The following ASIC2 variants were observed in gnomAD, a reference collection of about 807,000 sequenced individuals.
The protein encoded by ASIC2 is acid-sensing ion channel 2.
ASIC2 carries 25 observed loss-of-function variants against 57.3 expected under a neutral mutation model. The observed-to-expected ratio is 0.44, with a 90% confidence interval of 0.32 to 0.61. The LOEUF is 0.61. Ranked by LOEUF, ASIC2 falls within the 20% of genes least tolerant of loss-of-function variation. The pLI, the probability that ASIC2 is intolerant of heterozygous loss-of-function variation, is 0.06. For synonymous variants in ASIC2, 319 were observed against 307.5 expected (o/e 1.04, Z -0.39); for missense variants, 641 against 738.1 (o/e 0.87, Z 1.52).
chr17:33,962,123 C>G (rs1414844), intron 1 of ASIC2, among the ~76,000 whole-genome samples: 1 of 152,190 alleles, frequency 6.6e-6, no homozygotes, highest in Non-Finnish European at 1.5e-5. Context: ...AAGTCCAGTT[C>G]TGTGGGCCTG....
intron 1 of ASIC2, among the ~76,000 whole-genome samples, chr17:34,090,767 T>C (rs185501579): frequency 1.5e-4 from 23 of 152,274 alleles, no homozygotes; most frequent in African/African-American, 4.8e-4. Context: ...ACCCCAAAAG[T>C]ACTCAGCCAG....
At chr17:33,348,413 C>T (rs183896265) in intron 1 of ASIC2, among the ~76,000 whole-genome samples, 2 of 152,200 alleles carry the variant, frequency 1.3e-5, no homozygotes, top group East Asian at 3.9e-4. Flanking sequence ...CCCTCTTTAA[C>T]CCTAGATTAC....
chr17:33,772,272 GA>G (rs35724127), intron 1 of ASIC2, among the ~76,000 whole-genome samples: 12,374 of 152,310 alleles, frequency 0.081, 577 homozygotes, highest in East Asian at 0.22. Flanking sequence ...AATGCTCAGA[GA>G]AGGCTGGAAG....
chr17:33,541,937 C>T (rs1230230610), intron 1 of ASIC2, among the ~76,000 whole-genome samples: 1 of 152,180 alleles, frequency 6.6e-6, no homozygotes, highest in Non-Finnish European at 1.5e-5. Context: ...CTTAGGCAAG[C>T]TTCTTTATCT....
chr17:33,646,462 G>A (rs574245058), intron 1 of ASIC2, among the ~76,000 whole-genome samples: 1 of 152,252 alleles, frequency 6.6e-6, no homozygotes, highest in East Asian at 1.9e-4. Flanking sequence ...TTCTGCCCTG[G>A]GTGGTATAAG....
intron 1 of ASIC2, among the ~76,000 whole-genome samples, chr17:34,148,663 C>G (rs962071625): frequency 2.6e-5 from 4 of 152,142 alleles, no homozygotes; most frequent in Non-Finnish European, 4.4e-5. Flanking sequence ...TGGGCCTCAT[C>G]ATGGAGCAGG....
In ASIC2 at chr17:33,597,046, G is replaced by A. The variant is rs529489048; in HGVS notation, c.556-484979C>T. 3.4e-4 allele frequency among the ~76,000 whole-genome samples: 52 copies of A among 152,306 alleles called. 1 individual carries two copies. Among genetic ancestry groups the A allele is most frequent in the Admixed American group, 3.1e-3 (47 of 15,304 alleles). On this transcript the variant is annotated intron_variant, in intron 1 of 9. Transcript: ENST00000359872. The stretch of plus-strand genomic sequence containing the variant: ...AATTCTGATCTCACTGCTGGCTAAC[G>A]GATCAGATCAACACAGCCAAAGGCT...
chr17:33,733,812 G>C (rs144918874), intron 1 of ASIC2, among the ~76,000 whole-genome samples: 2 of 152,006 alleles, frequency 1.3e-5, no homozygotes, highest in Non-Finnish European at 1.5e-5. Flanking sequence ...GCTAAATCCC[G>C]ACCTGGCTAG....
chr17:33,941,572 T>C (rs2054745121), intron 1 of ASIC2, among the ~76,000 whole-genome samples: 1 of 152,130 alleles, frequency 6.6e-6, no homozygotes, highest in Non-Finnish European at 1.5e-5. Flanking sequence ...TGGAAGTAGA[T>C]AGAGGGAGCT....
chr17:33,631,068 C>T (rs142071532), intron 1 of ASIC2, among the ~76,000 whole-genome samples: 2 of 152,270 alleles, frequency 1.3e-5, no homozygotes, highest in African/African-American at 4.8e-5. Context: ...GGGTAAGGAG[C>T]AAGTGGAAGG....
intron 1 of ASIC2, among the ~76,000 whole-genome samples, chr17:33,489,217 A>G (rs1473458657): frequency 1.3e-5 from 2 of 152,168 alleles, no homozygotes; most frequent in East Asian, 3.9e-4. Context: ...ACTAAAAGCC[A>G]CCATTACTGA....
intron 1 of ASIC2, among the ~76,000 whole-genome samples, chr17:33,718,897 G>A (rs1909303220): frequency 6.6e-6 from 1 of 152,220 alleles, no homozygotes; most frequent in Non-Finnish European, 1.5e-5. Flanking sequence ...GCCCAGGCAT[G>A]CTACCAGCAG....
intron 1 of ASIC2, among the ~76,000 whole-genome samples, chr17:33,806,227 C>G (rs1418752646): frequency 6.6e-6 from 1 of 152,240 alleles, no homozygotes; most frequent in Non-Finnish European, 1.5e-5. Flanking sequence ...AAATACTCAA[C>G]TCTGCCTTTG....
At chr17:34,121,169 A>C (rs1391617945) in intron 1 of ASIC2, among the ~76,000 whole-genome samples, 1 of 152,228 alleles carries the variant, frequency 6.6e-6, no homozygotes, top group Non-Finnish European at 1.5e-5. Context: ...ACCAGAAGCC[A>C]GAAGAGGCAA....
Position 34,039,033 on chromosome 17 carries a change from T to A in ASIC2, c.555+116945A>T, listed in dbSNP as rs889221920. The A allele has an allele frequency of 1.1e-5, 18 of 1,614,052 alleles. No individual in the cohort carries two copies. The African/African-American group carries it at 2.1e-4, about 19-fold the overall frequency. Reference sequence around the variant, plus strand: ...TCTTATCTCTACACGCCATCTTCTCTTGTTTTGACTTTTCTATAAGGAGTT... The same window carrying A: ...TCTTATCTCTACACGCCATCTTCTCATGTTTTGACTTTTCTATAAGGAGTT... On this transcript the variant is annotated intron_variant, in intron 1 of 9. Transcript: ENST00000359872.
intron 1 of ASIC2, among the ~76,000 whole-genome samples, chr17:33,650,672 AACC>A (rs1906888863): frequency 6.6e-6 from 1 of 152,220 alleles, no homozygotes; most frequent in African/African-American, 2.4e-5. Flanking sequence ...ATGTACAAAC[AACC>A]TGGATGAATT....
intron 1 of ASIC2, among the ~76,000 whole-genome samples, chr17:33,184,429 A>G (rs925565040): frequency 6.6e-6 from 1 of 152,124 alleles, no homozygotes; most frequent in African/African-American, 2.4e-5. Flanking sequence ...GGAGGGAAGG[A>G]CCCAGCCCCC....
intron 1 of ASIC2, among the ~76,000 whole-genome samples, chr17:34,097,804 A>AC (rs1464558930): frequency 6.6e-6 from 1 of 152,000 alleles, no homozygotes; most frequent in East Asian, 1.9e-4. Flanking sequence ...ATCTCACTTT[A>AC]CCCTCCCCCA....
chr17:33,255,815 G>T (rs1909047251), intron 1 of ASIC2, among the ~76,000 whole-genome samples: 1 of 152,072 alleles, frequency 6.6e-6, no homozygotes, highest in Non-Finnish European at 1.5e-5. Flanking sequence ...TTGATTTTCT[G>T]GATGCTTCAC....
Sources: allele counts gnomAD v4.1 joint callset (sites outside exome capture counted in the v4.1 genomes callset), GRCh38; gene constraint gnomAD v4.1.1; transcripts MANE v1.5; gene names NCBI Gene and HGNC (gene_info 2026-07-23, HGNC 2026-07-21).